Variants in SLC25A48 observed in about 807,000 individuals in gnomAD.
SLC25A48 encodes the protein CTC-321K16.1.
Under a neutral mutation model 32.2 loss-of-function variants are expected in SLC25A48, and 29 were observed. The observed-to-expected ratio is 0.90, with a 90% CI of 0.67 to 1.23. SLC25A48 has a LOEUF of 1.23. SLC25A48 is among the 50% of genes most tolerant of loss of function. The pLI, the probability that SLC25A48 is intolerant of heterozygous loss-of-function variation, is 0.00. For synonymous variants in SLC25A48, 164 were observed against 172.3 expected, an observed-to-expected ratio of 0.95 and a Z score of 0.38; for missense variants, 399 against 422.7, an observed-to-expected ratio of 0.94 and a Z score of 0.49.
intron 3 of SLC25A48, among the ~76,000 whole-genome samples, chr5:135,802,066 G>T (rs1056155534): frequency 2.0e-5 from 3 of 151,598 alleles, no homozygotes; most frequent in African/African-American, 7.3e-5. Flanking sequence ...ACATTGCAAG[G>T]GTTGTACACT....
At chr5:135,662,322 C>A (rs1753424141) in intron 3 of SLC25A48, among the ~76,000 whole-genome samples, 1 of 152,076 alleles carries the variant, frequency 6.6e-6, no homozygotes. Context: ...AGGAGGTAAG[C>A]AGTATTTATT....
At chr5:135,839,184 G>A (rs1223832342) in intron 1 of SLC25A48, among the ~76,000 whole-genome samples, 1 of 152,208 alleles carries the variant, frequency 6.6e-6, no homozygotes, top group Non-Finnish European at 1.5e-5. Flanking sequence ...GATGAGCTAT[G>A]TTGATAGCAT....
chr5:135,700,251 A>C (rs1754359362), intron 3 of SLC25A48, among the ~76,000 whole-genome samples: 1 of 151,514 alleles, frequency 6.6e-6, no homozygotes. Context: ...GTGTGCCTGT[A>C]ATCCCAGCTA....
At chr5:135,671,105 C>T (rs1445817562) in intron 3 of SLC25A48, among the ~76,000 whole-genome samples, 1 of 152,178 alleles carries the variant, frequency 6.6e-6, no homozygotes, top group African/African-American at 2.4e-5. Context: ...TAGCTGGCTC[C>T]TAGCCAGCTG....
At chr5:135,665,437 C>T (rs1753499002) in intron 3 of SLC25A48, among the ~76,000 whole-genome samples, 1 of 151,964 alleles carries the variant, frequency 6.6e-6, no homozygotes, top group Non-Finnish European at 1.5e-5. Flanking sequence ...AATTAGGTTT[C>T]ATTTATTTAT....
intron 2 of SLC25A48, among the ~76,000 whole-genome samples, chr5:135,843,209 G>T (rs558395855): frequency 4.6e-5 from 7 of 152,300 alleles, no homozygotes; most frequent in African/African-American, 1.7e-4. Context: ...TCCCAATGCA[G>T]GGGGATGGCA....
chr5:135,600,724 C>G (rs1257350503), intron 1 of SLC25A48, among the ~76,000 whole-genome samples: 1 of 151,718 alleles, frequency 6.6e-6, no homozygotes, highest in African/African-American at 2.4e-5. Context: ...ACTCTGTTGC[C>G]CAGGCTGGAG....
At chr5:135,579,286 G>A (rs1019124947) in exon 1 of SLC25A48, 28 of 163,376 alleles carry the variant, frequency 1.7e-4, no homozygotes, top group African/African-American at 6.0e-4. Context: ...CATTTCCAGC[G>A]TCCCGCTCTG....
chr5:135,724,427 G>A (rs1436281727), intron 3 of SLC25A48, among the ~76,000 whole-genome samples: 2 of 152,182 alleles, frequency 1.3e-5, no homozygotes, highest in Non-Finnish European at 2.9e-5. Context: ...CCAGCTCCTC[G>A]AGTGAGGGCC....
intron 2 of SLC25A48, among the ~76,000 whole-genome samples, chr5:135,848,269 G>A (rs1341334673): frequency 1.3e-5 from 2 of 152,136 alleles, no homozygotes; most frequent in African/African-American, 4.8e-5. Context: ...TGTTGCAGGG[G>A]GTGGGTGGCA....
At chr5:135,787,820 C>T (rs1286221418) in intron 3 of SLC25A48, among the ~76,000 whole-genome samples, 1 of 141,680 alleles carries the variant, frequency 7.1e-6, no homozygotes, top group Non-Finnish European at 1.6e-5. Context: ...AGCTGGTGTA[C>T]ATTTTTTGAT....
intron 3 of SLC25A48, among the ~76,000 whole-genome samples, chr5:135,771,094 G>T (rs1031664168): frequency 4.5e-5 from 6 of 134,220 alleles, no homozygotes; most frequent in Admixed American, 2.2e-4. Flanking sequence ...TTTCAATATC[G>T]TGGGGGTGTA....
At chr5:135,853,873 C>A (rs1485306224) in intron 4 of SLC25A48, among the ~76,000 whole-genome samples, 1 of 152,088 alleles carries the variant, frequency 6.6e-6, no homozygotes, top group Non-Finnish European at 1.5e-5. Flanking sequence ...GCAACTATAG[C>A]CTTAAGAAAT....
Position 135,852,415 on chromosome 5 carries a change from C to T in SLC25A48, c.163-148C>T, listed in dbSNP as rs1382765222. The T allele has an allele frequency of 4.1e-6, 4 of 970,528 alleles. No individual in the cohort carries two copies. The African/African-American group carries it at 6.5e-5, about 16-fold the overall frequency. The allele number at this position is 970,528 out of a possible 1,614,324, so 60.1% of individuals were successfully genotyped here. ...ATGCCTGCCCCTGAGTGGTTCCCCA[C>T]CCCCTACCTCCTGTCGCATCAGCAC... On this transcript the variant is annotated intron_variant, in intron 3 of 7. Coordinates refer to ENST00000681962, the MANE Select transcript of SLC25A48 (RefSeq NM_001349336.2).
Position 135,835,279 on chromosome 5 carries a change from G to C in SLC25A48, c.46+386G>C, listed in dbSNP as rs887539683. 8.6e-5 allele frequency: 39 copies of C among 453,056 alleles called. No homozygotes were observed. The East Asian group carries it at 1.2e-3, about 14-fold the overall frequency. The allele number at this position is 453,056 out of a possible 1,614,324, so 28.1% of individuals were successfully genotyped here. A position where few individuals can be genotyped will look rare whatever the true frequency, so the allele number is the denominator to read the frequency against. On this transcript the variant is annotated intron_variant, in intron 1 of 7. Coordinates refer to ENST00000681962, the MANE Select transcript of SLC25A48 (RefSeq NM_001349336.2). ...GCGGGAACTTATGTATGAGGGTAGC[G>C]CTTGGCTGCTGATCCCGGGGCGCAG...
At chr5:135,734,673 C>T (rs899190935) in intron 3 of SLC25A48, among the ~76,000 whole-genome samples, 2 of 151,864 alleles carry the variant, frequency 1.3e-5, no homozygotes, top group African/African-American at 4.8e-5. Context: ...AAAAATTAGC[C>T]GGGCGCAGAG....
At chr5:135,722,820 C>T (rs910463021) in intron 3 of SLC25A48, among the ~76,000 whole-genome samples, 2 of 152,222 alleles carry the variant, frequency 1.3e-5, no homozygotes, top group Non-Finnish European at 2.9e-5. Flanking sequence ...TCCTCCTTGT[C>T]CCTGGTGTCC....
At chr5:135,651,739 C>A (rs940321472) in intron 3 of SLC25A48, among the ~76,000 whole-genome samples, 8 of 152,036 alleles carry the variant, frequency 5.3e-5, no homozygotes, top group Non-Finnish European at 1.2e-4. Flanking sequence ...CTCATTGGAC[C>A]TTATGGGCAG....
intron 3 of SLC25A48, among the ~76,000 whole-genome samples, chr5:135,700,091 A>G (rs544163969): frequency 6.6e-6 from 1 of 152,198 alleles, no homozygotes; most frequent in Non-Finnish European, 1.5e-5. Flanking sequence ...GCACTTAGAA[A>G]ATGGTATTGG....
Sources: allele counts gnomAD v4.1 joint callset (sites outside exome capture counted in the v4.1 genomes callset), GRCh38; gene constraint gnomAD v4.1.1; transcripts MANE v1.5; gene names NCBI Gene and HGNC (gene_info 2026-07-23, HGNC 2026-07-21).